Variants in KLF12 observed in about 807,000 individuals in gnomAD.
KLF12 encodes the protein Krueppel-like factor 12.
KLF12 carries 9 observed loss-of-function variants against 37.8 expected under a neutral mutation model. The observed-to-expected ratio is 0.24, with a 90% CI of 0.14 to 0.42. The LOEUF (loss-of-function observed/expected upper bound fraction) is 0.42. Ranked by LOEUF, KLF12 falls within the 10% of genes least tolerant of loss-of-function variation. KLF12 has a pLI of 1.00. For missense variants in KLF12, 411 were observed against 516.0 expected (o/e 0.80, Z 1.97); for synonymous variants, 208 against 202.1 (o/e 1.03, Z -0.25).
intron 1 of KLF12, among the ~76,000 whole-genome samples, chr13:74,085,509 C>T (rs559110979): frequency 3.1e-4 from 47 of 152,300 alleles, no homozygotes; most frequent in African/African-American, 1.1e-3. Flanking sequence ...TCTCACGCTT[C>T]CTTGAGGTAG....
intron 1 of KLF12, among the ~76,000 whole-genome samples, chr13:74,122,674 A>ATAAT (rs1877699936): frequency 6.6e-6 from 1 of 151,886 alleles, no homozygotes; most frequent in Non-Finnish European, 1.5e-5. Flanking sequence ...TGAAATAACC[A>ATAAT]CTCCTTGGAA....
At chr13:73,951,999 C>G (rs1264744749) in intron 2 of KLF12, among the ~76,000 whole-genome samples, 1 of 152,140 alleles carries the variant, frequency 6.6e-6, no homozygotes, top group African/African-American at 2.4e-5. Context: ...TCTCCAGGAT[C>G]TAGGAGATAA....
chr13:73,838,052 G>A (rs1474334334), intron 4 of KLF12, among the ~76,000 whole-genome samples: 1 of 152,174 alleles, frequency 6.6e-6, no homozygotes, highest in South Asian at 2.1e-4. Flanking sequence ...ACACCAACAA[G>A]TGAGAACGCT....
chr13:73,758,559 A>G (rs572164087), intron 6 of KLF12, among the ~76,000 whole-genome samples: 2 of 152,248 alleles, frequency 1.3e-5, no homozygotes, highest in South Asian at 4.1e-4. Flanking sequence ...GAGTACAATG[A>G]CATGTCTTAT....
At chr13:73,956,767 C>T (rs185687920) in intron 2 of KLF12, among the ~76,000 whole-genome samples, 1,522 of 150,246 alleles carry the variant, frequency 0.01, 24 homozygotes, top group African/African-American at 0.035. Context: ...CAAAAAATAA[C>T]AATAAAAAAA....
At chr13:73,985,461 G>A (rs1281719972) in intron 2 of KLF12, among the ~76,000 whole-genome samples, 1 of 152,152 alleles carries the variant, frequency 6.6e-6, no homozygotes, top group Non-Finnish European at 1.5e-5. Flanking sequence ...ACGGCAGAAG[G>A]GTGCAAGGCC....
chr13:74,144,187 A>C, the KLF12 span, among the ~76,000 whole-genome samples: 1 of 152,170 alleles, frequency 6.6e-6, no homozygotes, highest in Non-Finnish European at 1.5e-5. Context: ...CATTGCATAC[A>C]ATGAGGAACG....
At chr13:74,007,250 AG>A in intron 1 of KLF12, among the ~76,000 whole-genome samples, 1 of 19,312 alleles carries the variant, frequency 5.2e-5, no homozygotes, top group African/African-American at 8.8e-5. Flanking sequence ...AATCAGAAAA[AG>A]ACAGAAATCA....
At chr13:73,824,519 T>C (rs1212713022) in intron 4 of KLF12, among the ~76,000 whole-genome samples, 1 of 152,192 alleles carries the variant, frequency 6.6e-6, no homozygotes, top group Admixed American at 6.5e-5. Context: ...CATCCTATGG[T>C]GAATGCTGTC....
At chr13:73,733,283 G>A (rs1339446022) in intron 6 of KLF12, among the ~76,000 whole-genome samples, 2 of 152,078 alleles carry the variant, frequency 1.3e-5, no homozygotes, top group Non-Finnish European at 2.9e-5. Flanking sequence ...CAGAAACTCT[G>A]TTTCCACTAT....
the KLF12 span, among the ~76,000 whole-genome samples, chr13:74,152,055 G>T: frequency 6.6e-6 from 1 of 152,134 alleles, no homozygotes; most frequent in East Asian, 1.9e-4. Flanking sequence ...AAGCACGAGG[G>T]TGGCCTGACT....
intron 1 of KLF12, among the ~76,000 whole-genome samples, chr13:73,998,095 C>T (rs1307631679): frequency 6.6e-6 from 1 of 152,090 alleles, no homozygotes; most frequent in Non-Finnish European, 1.5e-5. Flanking sequence ...CTTTATAACT[C>T]AAAGACAGTA....
At chr13:74,208,338 C>T in the KLF12 span, among the ~76,000 whole-genome samples, 1 of 152,092 alleles carries the variant, frequency 6.6e-6, no homozygotes, top group Non-Finnish European at 1.5e-5. Flanking sequence ...ATTCAGAATG[C>T]TGCAATATGG....
At chr13:74,037,675 T>C (rs1368550348) in intron 1 of KLF12, among the ~76,000 whole-genome samples, 4 of 152,212 alleles carry the variant, frequency 2.6e-5, no homozygotes, top group Non-Finnish European at 5.9e-5. Flanking sequence ...AAGTTCTGAT[T>C]AATAGGAGTG....
At chr13:74,061,654 C>T (rs1008139806) in intron 1 of KLF12, among the ~76,000 whole-genome samples, 1 of 152,176 alleles carries the variant, frequency 6.6e-6, no homozygotes, top group Admixed American at 6.5e-5. Context: ...GCAACCTCTG[C>T]CATAACTTCC....
At chr13:74,203,403 C>T in the KLF12 span, among the ~76,000 whole-genome samples, 3 of 152,008 alleles carry the variant, frequency 2.0e-5, no homozygotes, top group African/African-American at 7.2e-5. Context: ...TTCATCTCAT[C>T]AGATTTGTAA....
intron 1 of KLF12, among the ~76,000 whole-genome samples, chr13:74,117,700 C>T (rs1420057857): frequency 1.3e-5 from 2 of 152,054 alleles, no homozygotes; most frequent in Non-Finnish European, 2.9e-5. Context: ...AATGATACCC[C>T]GATGTGATAC....
chr13:73,916,233 A>G (rs1229474121), intron 3 of KLF12, among the ~76,000 whole-genome samples: 3 of 73,006 alleles, frequency 4.1e-5, no homozygotes, highest in Non-Finnish European at 9.3e-5. Flanking sequence ...ACACACACAC[A>G]CACACACGCA....
rs529334602 is a variant in KLF12 at position 73,915,674 on chromosome 13, A to G, written c.123+28307T>C. ...ACTACAGGCACCTGCCACCACGCCC[A>G]GCTAATTTTTTTGTATTTTTTTTTT... On this transcript the variant is annotated intron_variant, in intron 3 of 7. Transcript: ENST00000377669. Among the ~76,000 whole-genome samples, 385 of 143,662 alleles carry G rather than the reference A, an allele frequency of 2.7e-3. 2 individuals are homozygous for G. The highest frequency in any genetic ancestry group is 7.2e-3 in the Admixed American group (102 of 14,122). 94.2% of individuals were successfully genotyped at this position (143,662 alleles called of 152,430 possible). A position where few individuals can be genotyped will look rare whatever the true frequency, so the allele number is the denominator to read the frequency against.
Sources: allele counts gnomAD v4.1 joint callset (sites outside exome capture counted in the v4.1 genomes callset), GRCh38; gene constraint gnomAD v4.1.1; transcripts MANE v1.5; gene names NCBI Gene and HGNC (gene_info 2026-07-23, HGNC 2026-07-21).